Variants in MDGA1 observed in about 807,000 individuals in gnomAD.
MDGA1 encodes MAM domain containing glycosylphosphatidylinositol anchor 1, also known as MAM domain-containing glycosylphosphatidylinositol anchor protein 1.
MDGA1 carries 54 observed loss-of-function variants against 101.5 expected under a neutral mutation model. That is an observed-to-expected ratio of 0.53 (90% CI 0.43 to 0.67). The LOEUF (loss-of-function observed/expected upper bound fraction) is 0.67, where lower values mean the gene tolerates loss of function less well. MDGA1 is among the 30% of genes least tolerant of loss of function. The pLI, the probability that MDGA1 is intolerant of heterozygous loss-of-function variation, is 0.00. For synonymous variants in MDGA1, 533 were observed against 558.3 expected (o/e 0.95, Z 0.64); for missense variants, 1,083 against 1,323.8 (o/e 0.82, Z 2.82).
Position 37,655,903 on chromosome 6 carries a change from G to A in MDGA1, c.383-7C>T. 6.2e-7 allele frequency: 1 copy of A among 1,609,286 alleles called. No homozygotes were observed. Among genetic ancestry groups the A allele is most frequent in the Non-Finnish European group, 8.5e-7 (1 of 1,177,766 alleles). ...AGCATTGGCTCATCCAGGTCTGCAA[G>A]GGCACAGCCCCCATGGAGTCAGGAC... is the stretch of plus-strand genomic sequence containing the variant. On this transcript the variant is annotated splice_polypyrimidine_tract_variant and splice_region_variant and intron_variant, in intron 3 of 16. Transcript: ENST00000434837. This position sits in a 1 kb window ranked among gnomAD's most constrained non-coding sequence, Gnocchi z 5.1.
chr6:37,692,378 T>A (rs1030065630), intron 1 of MDGA1, among the ~76,000 whole-genome samples: 1 of 149,940 alleles, frequency 6.7e-6, no homozygotes, highest in Non-Finnish European at 1.5e-5. Flanking sequence ...ACCGGGTGGG[T>A]CATCTCCTAG....
rs775994002 is a variant in MDGA1, at chr6:37,652,379, C to T, written c.983-39G>A. On this transcript the variant is annotated intron_variant, in intron 6 of 16. Coordinates refer to ENST00000434837, the MANE Select transcript of MDGA1 (RefSeq NM_153487.4). The surrounding 1 kb of genome is among the most constrained non-coding windows in gnomAD (Gnocchi z 4.3). ...GGGAGGGAAGGGTAGTTGGGGTTGG[C>T]CTGACTCCAGGGGTCCATGTCCCAC... 4.0e-6 allele frequency: 6 copies of T among 1,517,262 alleles called. No homozygotes were observed. Among genetic ancestry groups the T allele is most frequent in the Non-Finnish European group, 5.4e-6 (6 of 1,120,502 alleles). The allele number at this position is 1,517,262 out of a possible 1,614,324, so 94.0% of individuals were successfully genotyped here. A position where few individuals can be genotyped will look rare whatever the true frequency, so the allele number is the denominator to read the frequency against.
rs372521061 is a variant in MDGA1 at position 37,652,889 on chromosome 6, T to G, written c.983-549A>C. ...TCTAGAGAGTGGAACTGAGGAGAATTGACAATTGAATTCTTACATTTCACT... is the reference window on the plus strand; with the variant it reads ...TCTAGAGAGTGGAACTGAGGAGAATGGACAATTGAATTCTTACATTTCACT... On this transcript the variant is annotated intron_variant, in intron 6 of 16. Transcript: ENST00000434837. This position sits in a 1 kb window ranked among gnomAD's most constrained non-coding sequence, Gnocchi z 4.3. Among the ~76,000 whole-genome samples, 42 of 152,342 alleles carry G rather than the reference T, an allele frequency of 2.8e-4. No individual in the cohort carries two copies. Among genetic ancestry groups the G allele is most frequent in the African/African-American group, 7.9e-4 (33 of 41,574 alleles).
chr6:37,683,174 C>T (rs931434667), intron 1 of MDGA1, among the ~76,000 whole-genome samples: 6 of 152,144 alleles, frequency 3.9e-5, no homozygotes, highest in South Asian at 2.1e-4. Context: ...CCCTGTCCTC[C>T]GCAGGTATAA....
chr6:37,658,431 G>A lies in MDGA1; in HGVS notation c.208-12C>T. On this transcript the variant is annotated splice_polypyrimidine_tract_variant and intron_variant, in intron 2 of 16. Coordinates refer to ENST00000434837, the MANE Select transcript of MDGA1 (RefSeq NM_153487.4). ...TTGGTCCACCGTACCTGGGCCGCCA[G>A]GCGGGGCAGAGTCAGACTGTCAGAC... is the stretch of plus-strand genomic sequence containing the variant. The A allele has an allele frequency of 6.3e-7, 1 of 1,598,786 alleles. No homozygotes were observed. Among genetic ancestry groups the A allele is most frequent in the South Asian group, 1.1e-5 (1 of 89,374 alleles).
chr6:37,663,832 G>GC, intron 2 of MDGA1, 135 bp downstream of exon 2: 1 of 962,980 alleles, frequency 1.0e-6, no homozygotes, highest in African/African-American at 1.6e-5. Flanking sequence ...TATTTCCCCA[G>GC]CCCCCATCTC....
chr6:37,688,670 T>C (rs893259108), intron 1 of MDGA1, among the ~76,000 whole-genome samples: 3 of 152,190 alleles, frequency 2.0e-5, no homozygotes, highest in Non-Finnish European at 4.4e-5. Flanking sequence ...CTCCCTGCCA[T>C]CTGCCTGCCA....
At position 37,696,866 on chromosome 6, in the gene MDGA1, G is replaced by A; in HGVS notation, c.-55C>T. ...GCGGCGCAGCCCGAGAGGCGGCGGG[G>A]GGCGCATTCGCCGGGGCCCCGCGAC... On this transcript the variant is annotated 5_prime_UTR_variant, in exon 1 of 17. Coordinates refer to ENST00000434837, the MANE Select transcript of MDGA1 (RefSeq NM_153487.4). This position sits in a 1 kb window ranked among gnomAD's most constrained non-coding sequence, Gnocchi z 5.6. 2.0e-6 allele frequency: 3 copies of A among 1,486,344 alleles called. No individual in the cohort carries two copies. Among genetic ancestry groups the A allele is most frequent in the Non-Finnish European group, 2.8e-6 (3 of 1,089,274 alleles). The allele number at this position is 1,486,344 out of a possible 1,614,324, so 92.1% of individuals were successfully genotyped here. A position where few individuals can be genotyped will look rare whatever the true frequency, so the allele number is the denominator to read the frequency against.
Position 37,652,104 on chromosome 6 carries a change from A to G in MDGA1, c.1219T>C (p.Phe407Leu). 6.2e-7 allele frequency: 1 copy of G among 1,613,818 alleles called. No homozygotes were observed. The highest frequency in any genetic ancestry group is 8.5e-7 in the Non-Finnish European group (1 of 1,179,890). ...CACAGGTAGGTGCCATAGTCACTGA[A>G]GTGCAGGTCAATGAGCTCTAGGCTG... ...TSSLELIDLH[F>L]SDYGTYLCMA... The change falls in exon 7 of 17, where the codon TTC becomes CTC. Residue 407 changes from phenylalanine to leucine, a missense_variant. This residue lies in a region of MDGA1 where 116 missense variants were observed against 196.6 expected (regional missense o/e 0.59). Transcript: ENST00000434837. The surrounding 1 kb of genome is among the most constrained non-coding windows in gnomAD (Gnocchi z 4.3).
At chr6:37,691,056 T>A (rs1164134064) in intron 1 of MDGA1, among the ~76,000 whole-genome samples, 1 of 152,148 alleles carries the variant, frequency 6.6e-6, no homozygotes, top group African/African-American at 2.4e-5. Context: ...CTACATGACA[T>A]TTATCAAAAT....
chr6:37,656,395 C>T (rs1761488678), intron 3 of MDGA1, among the ~76,000 whole-genome samples: 1 of 146,764 alleles, frequency 6.8e-6, no homozygotes, highest in Non-Finnish European at 1.5e-5. Flanking sequence ...TTTTTTGAGA[C>T]AGAGTCTCAC....
chr6:37,656,619 C>T lies in MDGA1; in HGVS notation c.383-723G>A, dbSNP rs991769073. 3.9e-5 allele frequency among the ~76,000 whole-genome samples: 6 copies of T among 152,028 alleles called. No homozygotes were observed. The South Asian group carries it at 8.3e-4, about 21-fold the overall frequency. ...AGCTCCTGGGCTCAAGCAATCCTCC[C>T]GCCTCAGCCTCCTGAAATGCTGGGA... On this transcript the variant is annotated intron_variant, in intron 3 of 16. Transcript: ENST00000434837.
At position 37,650,166 on chromosome 6, in the gene MDGA1, G is replaced by C. The variant is rs1347892526; in HGVS notation, c.1552C>G (p.Arg518Gly). 6.2e-7 allele frequency: 1 copy of C among 1,611,666 alleles called. No individual in the cohort carries two copies. Among genetic ancestry groups the C allele is most frequent in the Non-Finnish European group, 8.5e-7 (1 of 1,178,238 alleles). The change falls in exon 8 of 17, where the codon CGC (arginine) becomes GGC (glycine). Residue 518 changes from arginine to glycine, a missense_variant. Transcript: ENST00000434837. ...GGGCGCACGTTGAAGCCATTATAGC[G>C]GGCCGTCTGGCAGCGGTAGGTCCCG... ...MSGTYRCQTA[R>G]YNGFNVRPRE...
chr6:37,678,683 C>A (rs1762031257), intron 1 of MDGA1, among the ~76,000 whole-genome samples: 1 of 150,586 alleles, frequency 6.6e-6, no homozygotes, highest in Middle Eastern at 3.4e-3. Flanking sequence ...TACAGCCCCA[C>A]CCCCTCCCCA....
At chr6:37,659,387 G>A (rs116427175) in intron 2 of MDGA1, among the ~76,000 whole-genome samples, 1,713 of 152,182 alleles carry the variant, frequency 0.011, 30 homozygotes, top group African/African-American at 0.036. Context: ...CCCTATGTGC[G>A]GTGTCTGGTA....
Position 37,661,034 on chromosome 6 carries a change from C to T in MDGA1, c.208-2615G>A, listed in dbSNP as rs146474939. Among the ~76,000 whole-genome samples, 3 of 152,338 alleles carry T rather than the reference C, an allele frequency of 2.0e-5. No individual in the cohort carries two copies. In the East Asian group the frequency reaches 5.8e-4, roughly 29 times the overall value. ...GGTTATGCTATCTCATAGGTGGCTA[C>T]ATTTTTATCCACACCCTGAAGGACA... On this transcript the variant is annotated intron_variant, in intron 2 of 16. Coordinates refer to ENST00000434837, the MANE Select transcript of MDGA1 (RefSeq NM_153487.4).
chr6:37,689,384 T>TC (rs967652887), intron 1 of MDGA1, among the ~76,000 whole-genome samples: 11 of 152,042 alleles, frequency 7.2e-5, no homozygotes, highest in South Asian at 2.1e-4. Context: ...TTTGTCGATA[T>TC]CCCCCCCAGA....
intron 1 of MDGA1, among the ~76,000 whole-genome samples, chr6:37,691,989 G>C (rs530207492): frequency 3.4e-4 from 52 of 152,362 alleles, no homozygotes; most frequent in Admixed American, 9.1e-4. Context: ...ATTACAGCAA[G>C]TGCGGCTTTG....
At chr6:37,670,555 G>T (rs950303157) in intron 1 of MDGA1, among the ~76,000 whole-genome samples, 17 of 151,392 alleles carry the variant, frequency 1.1e-4, no homozygotes, top group African/African-American at 3.9e-4. Flanking sequence ...AATAAATAAA[G>T]AAACTCATGT....
Sources: allele counts gnomAD v4.1 joint callset (sites outside exome capture counted in the v4.1 genomes callset), GRCh38; gene constraint gnomAD v4.1.1; regional missense constraint gnomAD v4.1.1; non-coding constraint Gnocchi (gnomAD v3.1); transcripts MANE v1.5; gene names NCBI Gene and HGNC (gene_info 2026-07-23, HGNC 2026-07-21).